SNX27: variants seen among roughly 807,000 people sequenced by gnomAD.
The protein encoded by SNX27 is sorting nexin-27.
SNX27 carries 22 observed loss-of-function variants against 71.6 expected under a neutral mutation model. The observed-to-expected ratio is 0.31, with a 90% confidence interval of 0.22 to 0.44. The LOEUF (loss-of-function observed/expected upper bound fraction) is 0.44. Ranked by LOEUF, SNX27 falls within the 20% of genes least tolerant of loss-of-function variation. SNX27 has a pLI of 1.00. For synonymous variants in SNX27, 269 were observed against 277.2 expected (o/e 0.97, Z 0.29); for missense variants, 531 against 698.6 (o/e 0.76, Z 2.70).
At chr1:151,635,558 CAT>C (rs1466199807) in intron 1 of SNX27, among the ~76,000 whole-genome samples, 1 of 152,144 alleles carries the variant, frequency 6.6e-6, no homozygotes, top group Non-Finnish European at 1.5e-5. Context: ...AAAATTATAT[CAT>C]ATAACATTTT....
intron 1 of SNX27, chr1:151,614,054 C>T (rs1210732637): frequency 1.3e-5 from 2 of 152,016 alleles, no homozygotes; most frequent in African/African-American, 4.8e-5. Flanking sequence ...TCCATTCCTT[C>T]TTACTCATCT....
intron 1 of SNX27, among the ~76,000 whole-genome samples, chr1:151,625,726 A>C (rs2102606868): frequency 6.7e-6 from 1 of 148,702 alleles, no homozygotes; most frequent in South Asian, 2.2e-4. Flanking sequence ...TGGAAGTTGC[A>C]GTGATTCGAG....
intron 2 of SNX27, among the ~76,000 whole-genome samples, chr1:151,640,390 T>G (rs1342542758): frequency 6.6e-6 from 1 of 152,168 alleles, no homozygotes; most frequent in Non-Finnish European, 1.5e-5. Flanking sequence ...ATTATATATA[T>G]TTTTTAAGAC....
At chr1:151,643,655 G>A (rs536263341) in intron 2 of SNX27, among the ~76,000 whole-genome samples, 18 of 151,394 alleles carry the variant, frequency 1.2e-4, no homozygotes, top group Non-Finnish European at 1.8e-4. Flanking sequence ...ACAATTTAGG[G>A]TTTTTTTTAT....
intron 1 of SNX27, among the ~76,000 whole-genome samples, chr1:151,618,902 A>G (rs1462228907): frequency 6.6e-6 from 1 of 152,176 alleles, no homozygotes. Flanking sequence ...ATGGGTTGGT[A>G]CAGTTCAGCC....
intron 1 of SNX27, among the ~76,000 whole-genome samples, chr1:151,624,069 C>G (rs774600094): frequency 2.1e-4 from 32 of 152,096 alleles, no homozygotes; most frequent in Admixed American, 5.2e-4. Flanking sequence ...CTCAAGTGAT[C>G]CTTCTGCCTC....
At chr1:151,617,867 T>C (rs1451796304) in intron 1 of SNX27, among the ~76,000 whole-genome samples, 2 of 145,340 alleles carry the variant, frequency 1.4e-5, no homozygotes, top group East Asian at 4.0e-4. Flanking sequence ...ATATTTTCTC[T>C]TTTTAGAGCT....
chr1:151,624,367 A>C (rs1306482859), intron 1 of SNX27, among the ~76,000 whole-genome samples: 1 of 149,706 alleles, frequency 6.7e-6, no homozygotes, highest in Non-Finnish European at 1.5e-5. Flanking sequence ...TCAGGTAATG[A>C]TCAGATAATA....
intron 9 of SNX27, 89 bp downstream of exon 9, chr1:151,692,673 G>A (rs891820769): frequency 2.0e-6 from 3 of 1,537,578 alleles, no homozygotes; most frequent in Admixed American, 4.0e-5. Context: ...ATTTTAGGGG[G>A]AAATGAAATC....
intron 7 of SNX27, 99 bp from the exon 8 acceptor site, chr1:151,683,257 A>G (rs1671047714): frequency 2.2e-6 from 2 of 891,558 alleles, no homozygotes; most frequent in African/African-American, 1.7e-5. Context: ...CAAGTGGATA[A>G]GAGATTTTCT....
rs532807376 is a variant in SNX27 at position 151,639,010 on chromosome 1, C to T, written c.434C>T (p.Pro145Leu). The change falls in exon 2 of 12, where the codon CCC (proline) becomes CTC (leucine). Residue 145 changes from proline to leucine, a missense_variant. Transcript: ENST00000458013. Reference sequence around the variant, plus strand: ...CCTCATGAGGCAGATAACCTAGATCCCAGTGACGACTCGTTGGGACAATCA... The same window carrying T: ...CCTCATGAGGCAGATAACCTAGATCTCAGTGACGACTCGTTGGGACAATCA... The part of the protein sequence containing the change: ...VPPHEADNLD[P>L]SDDSLGQSFY... 2 of 1,614,094 alleles carry T rather than the reference C, an allele frequency of 1.2e-6. No homozygotes were observed. The highest frequency in any genetic ancestry group is 1.7e-5 in the Admixed American group (1 of 60,000).
chr1:151,692,408 T>A (rs1263617170), intron 8 of SNX27, 27 bp from the exon 9 acceptor site: 2 of 815,854 alleles, frequency 2.5e-6, no homozygotes, highest in Non-Finnish European at 1.5e-6. Context: ...TCTCCTTCCT[T>A]TTTTTTTTTT....
At chr1:151,652,211 A>AGGGAGACCGGG (rs1207637168) in intron 2 of SNX27, among the ~76,000 whole-genome samples, 1 of 57,402 alleles carries the variant, frequency 1.7e-5, no homozygotes, top group African/African-American at 9.6e-5. Flanking sequence ...CCGTGGGGAG[A>AGGGAGACCGGG]GGGAGAGGGA....
intron 2 of SNX27, among the ~76,000 whole-genome samples, chr1:151,648,951 C>A (rs1258813902): frequency 6.6e-6 from 1 of 151,318 alleles, no homozygotes; most frequent in Non-Finnish European, 1.5e-5. Context: ...TTTTTCTTTT[C>A]TTTTTCTTTT....
chr1:151,662,221 C>T lies in SNX27; in HGVS notation c.857C>T (p.Thr286Met), dbSNP rs540042464. ...AGAGTAGCATTACCAGATGGAACAACGGTTACAGTCAGGGTTAAAAAGAAC... is the reference window on the plus strand; with the variant it reads ...AGAGTAGCATTACCAGATGGAACAATGGTTACAGTCAGGGTTAAAAAGAAC... Reference protein sequence around the residue: ...ELRVALPDGTTVTVRVKKNST... With the variant: ...ELRVALPDGTMVTVRVKKNST... Residue 286 changes from threonine (T) to methionine (M), a missense_variant, in exon 5 of 12, where the codon ACG (threonine) becomes ATG (methionine). Thr to Met is a moderately conservative substitution (Grantham distance 81). Around this residue, in one of 5 missense-constraint regions of SNX27, gnomAD observed 184 missense variants for 289.6 expected, o/e 0.64. Coordinates refer to ENST00000458013, the MANE Select transcript of SNX27 (RefSeq NM_001330723.2). 40 of 1,613,394 alleles carry T rather than the reference C, an allele frequency of 2.5e-5. No homozygotes were observed. Among genetic ancestry groups the T allele is most frequent in the East Asian group, 6.7e-5 (3 of 44,862 alleles).
chr1:151,667,632 C>A (rs938269292), intron 6 of SNX27, among the ~76,000 whole-genome samples: 5 of 151,502 alleles, frequency 3.3e-5, no homozygotes, highest in African/African-American at 1.2e-4. Flanking sequence ...GAGACCATCC[C>A]GGCTAAAACG....
At position 151,612,596 on chromosome 1, in the gene SNX27, C is replaced by A; in HGVS notation, c.311+84C>A. ...CCTCGCTACCCTTGTCACCCCCAGGCCGCACCTCCCCCGAGCTCCGAGCCG... is the reference window on the plus strand; with the variant it reads ...CCTCGCTACCCTTGTCACCCCCAGGACGCACCTCCCCCGAGCTCCGAGCCG... On this transcript the variant is annotated intron_variant, in intron 1 of 11. Transcript: ENST00000458013. This position sits in a 1 kb window ranked among gnomAD's most constrained non-coding sequence, Gnocchi z 5.2. The A allele has an allele frequency of 9.4e-7, 1 of 1,064,880 alleles. No homozygotes were observed. The highest frequency in any genetic ancestry group is 1.2e-6 in the Non-Finnish European group (1 of 823,826). 66.0% of individuals were successfully genotyped at this position (1,064,880 alleles called of 1,614,324 possible).
intron 2 of SNX27, among the ~76,000 whole-genome samples, chr1:151,644,737 G>A (rs760905554): frequency 6.6e-6 from 1 of 151,974 alleles, no homozygotes; most frequent in Non-Finnish European, 1.5e-5. Flanking sequence ...TTACTCTTAC[G>A]TTTAGGTCTG....
chr1:151,646,161 A>G (rs1361306965), intron 2 of SNX27, among the ~76,000 whole-genome samples: 1 of 152,116 alleles, frequency 6.6e-6, no homozygotes, highest in Non-Finnish European at 1.5e-5. Context: ...ATGAGCCACT[A>G]ACATATAGCC....
Sources: gnomAD v4.1 joint callset for allele counts (sites outside exome capture counted in the v4.1 genomes callset) on GRCh38, gnomAD v4.1.1 for gene constraint, gnomAD v4.1.1 regional missense constraint, Gnocchi (gnomAD v3.1) non-coding constraint, MANE v1.5 for transcripts, NCBI Gene and HGNC (gene_info 2026-07-23, HGNC 2026-07-21) for gene names.